PCDH15: variants seen among roughly 807,000 people sequenced by gnomAD.
The protein encoded by PCDH15 is protocadherin-15.
In PCDH15, 129 loss-of-function variants were observed where a neutral mutation model predicts 178.5. The ratio of observed to expected loss-of-function variants is 0.72; its 90% CI spans 0.63 to 0.84. The LOEUF (loss-of-function observed/expected upper bound fraction) is 0.84, where lower values mean the gene tolerates loss of function less well. Ranked by LOEUF, PCDH15 falls within the 40% of genes least tolerant of loss-of-function variation. The probability of loss-of-function intolerance (pLI) is 0.00; values close to 1 mark genes in which losing one functional copy is unlikely to be tolerated. For missense variants in PCDH15, 2,230 were observed against 2,099.9 expected (o/e 1.06, Z -1.21); for synonymous variants, 800 against 732.0 (o/e 1.09, Z -1.50).
chr10:54,396,565 C>T (rs559335727), intron 3 of PCDH15, among the ~76,000 whole-genome samples: 14 of 152,192 alleles, frequency 9.2e-5, no homozygotes, highest in African/African-American at 3.4e-4. Flanking sequence ...AGAGAACTCA[C>T]ATTTCATTCT....
At chr10:54,140,544 C>T (rs1287281325) in intron 14 of PCDH15, among the ~76,000 whole-genome samples, 1 of 151,980 alleles carries the variant, frequency 6.6e-6, no homozygotes, top group Non-Finnish European at 1.5e-5. Context: ...TCTCAGCTCA[C>T]TGCAACCCCT....
chr10:54,180,625 C>T (rs1483570584), intron 13 of PCDH15, among the ~76,000 whole-genome samples: 4 of 152,120 alleles, frequency 2.6e-5, no homozygotes, highest in Non-Finnish European at 5.9e-5. Flanking sequence ...TATGTCATGA[C>T]TCTTAAAGGG....
chr10:54,857,357 A>C (rs1953758617), intron 3 of PCDH15, among the ~76,000 whole-genome samples: 1 of 152,248 alleles, frequency 6.6e-6, no homozygotes, highest in Non-Finnish European at 1.5e-5. Context: ...CATTTCATTT[A>C]ATAATGGCTG....
At chr10:54,540,833 A>G (rs2085129868) in intron 2 of PCDH15, among the ~76,000 whole-genome samples, 1 of 152,098 alleles carries the variant, frequency 6.6e-6, no homozygotes, top group African/African-American at 2.4e-5. Flanking sequence ...CTTCATTCCT[A>G]GGATGCAAGA....
At chr10:54,221,444 C>T (rs911227334) in intron 9 of PCDH15, among the ~76,000 whole-genome samples, 2 of 152,050 alleles carry the variant, frequency 1.3e-5, no homozygotes, top group African/African-American at 4.8e-5. Context: ...ATAGTATCAC[C>T]ATGACTAAGA....
chr10:54,105,319 CACACACACATACATATATAT>C (rs2136197254), intron 15 of PCDH15, among the ~76,000 whole-genome samples: 1 of 79,932 alleles, frequency 1.3e-5, no homozygotes, highest in South Asian at 3.5e-4. Context: ...TATATATATA[CACACACACATACATATATAT>C]ACACACACAC....
At chr10:53,922,996 A>G (rs946740448) in intron 25 of PCDH15, among the ~76,000 whole-genome samples, 1 of 152,140 alleles carries the variant, frequency 6.6e-6, no homozygotes, top group Non-Finnish European at 1.5e-5. Context: ...CTGAGGCAGG[A>G]GAATGGTGTG....
At chr10:54,912,572 C>G (rs1954835728) in intron 2 of PCDH15, among the ~76,000 whole-genome samples, 1 of 152,132 alleles carries the variant, frequency 6.6e-6, no homozygotes, top group Admixed American at 6.6e-5. Context: ...CCATTTAATC[C>G]TCTTTTCTTC....
At chr10:53,915,382 G>C (rs1207152559) in intron 25 of PCDH15, among the ~76,000 whole-genome samples, 1 of 152,154 alleles carries the variant, frequency 6.6e-6, no homozygotes, top group African/African-American at 2.4e-5. Context: ...AAGATAGATT[G>C]ATCTTTTGTG....
intron 1 of PCDH15, among the ~76,000 whole-genome samples, chr10:54,701,801 A>G (rs1371395272): frequency 6.6e-6 from 1 of 152,150 alleles, no homozygotes; most frequent in Non-Finnish European, 1.5e-5. Flanking sequence ...CCAGATTTAT[A>G]AAACAAGCTC....
chr10:54,973,061 T>G (rs1045418811), intron 2 of PCDH15, among the ~76,000 whole-genome samples: 3 of 151,960 alleles, frequency 2.0e-5, no homozygotes, highest in South Asian at 2.1e-4. Flanking sequence ...TGGTTATGAT[T>G]AATAAAGTAA....
intron 17 of PCDH15, among the ~76,000 whole-genome samples, chr10:54,075,622 T>A (rs899152720): frequency 2.6e-5 from 4 of 152,094 alleles, no homozygotes; most frequent in African/African-American, 4.8e-5. Context: ...CTTCTAAGAG[T>A]TCTATAGACT....
chr10:55,398,626 G>A (rs1837986266), intron 2 of PCDH15, among the ~76,000 whole-genome samples: 1 of 152,118 alleles, frequency 6.6e-6, no homozygotes, highest in African/African-American at 2.4e-5. Flanking sequence ...TATAGACCCA[G>A]TCATAACAGG....
chr10:54,523,513 A>T (rs2138303221), intron 3 of PCDH15, among the ~76,000 whole-genome samples: 1 of 152,276 alleles, frequency 6.6e-6, no homozygotes, highest in South Asian at 2.1e-4. Context: ...GTAGTCATAG[A>T]TGAAGGGATA....
upstream of PCDH15, among the ~76,000 whole-genome samples, chr10:54,805,339 C>A (rs913397533): frequency 5.3e-5 from 8 of 152,034 alleles, no homozygotes; most frequent in Non-Finnish European, 7.4e-5. Context: ...TCATTACAAG[C>A]AGTGTCTCAC....
intron 2 of PCDH15, among the ~76,000 whole-genome samples, chr10:54,597,884 G>A (rs188969214): frequency 6.6e-6 from 1 of 152,164 alleles, no homozygotes; most frequent in Admixed American, 6.5e-5. Context: ...AGAAAATCTA[G>A]AATAAATGGA....
chr10:53,945,253 A>C (rs901436010), intron 23 of PCDH15, among the ~76,000 whole-genome samples: 1 of 152,206 alleles, frequency 6.6e-6, no homozygotes, highest in African/African-American at 2.4e-5. Flanking sequence ...TTCCTCCCAG[A>C]AAAGTTCAAT....
At chr10:55,333,962 T>G (rs1226033740) in intron 2 of PCDH15, among the ~76,000 whole-genome samples, 1 of 151,844 alleles carries the variant, frequency 6.6e-6, no homozygotes, top group African/African-American at 2.4e-5. Flanking sequence ...TTATTGTCCA[T>G]TTATTTTAAA....
At chr10:55,405,463 C>A (rs1420808012) in intron 2 of PCDH15, among the ~76,000 whole-genome samples, 1 of 151,234 alleles carries the variant, frequency 6.6e-6, no homozygotes, top group African/African-American at 2.4e-5. Context: ...TAACTTAAAT[C>A]ATTTATCTAT....
Sources: allele counts gnomAD v4.1 joint callset (sites outside exome capture counted in the v4.1 genomes callset), GRCh38; gene constraint gnomAD v4.1.1; transcripts MANE v1.5; gene names NCBI Gene and HGNC (gene_info 2026-07-23, HGNC 2026-07-21).